Variants in LRRC4C observed in about 807,000 individuals in gnomAD.
LRRC4C encodes the protein leucine rich repeat containing 4C, also known as leucine-rich repeat-containing protein 4C.
In LRRC4C, 5 loss-of-function variants were observed where a neutral mutation model predicts 33.6. That is an observed-to-expected ratio of 0.15 (90% CI 0.08 to 0.31). LRRC4C has a LOEUF of 0.31. Ranked by LOEUF, LRRC4C falls within the 10% of genes least tolerant of loss-of-function variation. LRRC4C has a pLI of 1.00. For synonymous variants in LRRC4C, 329 were observed against 302.0 expected (o/e 1.09, Z -0.93); for missense variants, 560 against 796.7 (o/e 0.70, Z 3.58).
chr11:40,526,173 T>A (rs1263271101), intron 3 of LRRC4C, among the ~76,000 whole-genome samples: 1 of 152,092 alleles, frequency 6.6e-6, no homozygotes, highest in Non-Finnish European at 1.5e-5. Flanking sequence ...TTATTTTGGC[T>A]AGACAAAAGT....
chr11:40,905,845 T>C (rs1231055934), intron 2 of LRRC4C, among the ~76,000 whole-genome samples: 1 of 152,214 alleles, frequency 6.6e-6, no homozygotes, highest in Non-Finnish European at 1.5e-5. Flanking sequence ...ATAAAGGATT[T>C]AGAATATTAC....
At chr11:40,287,009 A>G (rs1006477205) in intron 4 of LRRC4C, among the ~76,000 whole-genome samples, 1 of 152,132 alleles carries the variant, frequency 6.6e-6, no homozygotes, top group Non-Finnish European at 1.5e-5. Flanking sequence ...TATATTTTTA[A>G]TTTTGGGAAT....
At chr11:40,255,386 T>C (rs769392581) in intron 4 of LRRC4C, among the ~76,000 whole-genome samples, 5 of 152,218 alleles carry the variant, frequency 3.3e-5, no homozygotes, top group Non-Finnish European at 7.3e-5. Context: ...GAAACTTTCA[T>C]GATGATTCTA....
intron 1 of LRRC4C, among the ~76,000 whole-genome samples, chr11:41,349,143 C>T (rs1951894023): frequency 6.6e-6 from 1 of 152,164 alleles, no homozygotes; most frequent in Non-Finnish European, 1.5e-5. Context: ...CATTCTCATT[C>T]TTGTAGTGTG....
intron 1 of LRRC4C, among the ~76,000 whole-genome samples, chr11:40,958,086 G>A (rs1216610339): frequency 1.3e-5 from 2 of 151,592 alleles, no homozygotes; most frequent in African/African-American, 4.8e-5. Context: ...TGAGAAGACA[G>A]CCAGCTATGA....
At chr11:40,583,697 T>C (rs1010560887) in intron 3 of LRRC4C, among the ~76,000 whole-genome samples, 2 of 152,128 alleles carry the variant, frequency 1.3e-5, no homozygotes, top group Non-Finnish European at 2.9e-5. Context: ...CTTAGTACTC[T>C]GAGTTTGCTC....
At chr11:40,892,286 A>G (rs1955751388) in intron 2 of LRRC4C, among the ~76,000 whole-genome samples, 1 of 152,172 alleles carries the variant, frequency 6.6e-6, no homozygotes, top group African/African-American at 2.4e-5. Flanking sequence ...TGTTTGTTGA[A>G]GCACTATTCA....
At chr11:40,852,027 C>T (rs1371309302) in intron 2 of LRRC4C, among the ~76,000 whole-genome samples, 5 of 152,090 alleles carry the variant, frequency 3.3e-5, no homozygotes, top group South Asian at 2.1e-4. Context: ...CAGGGTTTCA[C>T]CATGTTGGCT....
chr11:40,916,913 A>G (rs903550185), intron 2 of LRRC4C, among the ~76,000 whole-genome samples: 1 of 152,118 alleles, frequency 6.6e-6, no homozygotes, highest in Non-Finnish European at 1.5e-5. Flanking sequence ...TGCAATTGCA[A>G]TAGACAAAAT....
chr11:40,984,379 GAA>G (rs1194883012), intron 1 of LRRC4C, among the ~76,000 whole-genome samples: 1 of 77,462 alleles, frequency 1.3e-5, no homozygotes, highest in African/African-American at 4.6e-5. Context: ...AAGAAAGAAA[GAA>G]AGAAAGAAAG....
chr11:40,609,988 C>T lies in LRRC4C; in HGVS notation c.-270+38154G>A, dbSNP rs1385390774. Among the ~76,000 whole-genome samples the T allele has an allele frequency of 3.3e-5, 5 of 151,860 alleles. No individual in the cohort carries two copies. The East Asian group carries it at 9.6e-4, about 29-fold the overall frequency. On this transcript the variant is annotated intron_variant, in intron 3 of 6. Transcript: ENST00000528697. The stretch of plus-strand genomic sequence containing the variant: ...TTAAAAAATAATTAATGCCAACCCT[C>T]CTTAAATTCGTCCAAAAAATCGAAA...
At chr11:40,682,746 C>CAATAAATAAATA (rs10523318) in intron 2 of LRRC4C, among the ~76,000 whole-genome samples, 31,133 of 141,354 alleles carry the variant, frequency 0.22, 3,828 homozygotes, top group East Asian at 0.4. Context: ...GACTCTGTCT[C>CAATAAATAAATA]AATAAATAAA....
intron 3 of LRRC4C, among the ~76,000 whole-genome samples, chr11:40,339,411 C>CA (rs1216644486): frequency 1.3e-5 from 2 of 152,020 alleles, no homozygotes. Context: ...CTCAAATGGG[C>CA]AAAAAAATCA....
intron 5 of LRRC4C, among the ~76,000 whole-genome samples, chr11:40,208,680 A>C (rs1863343628): frequency 6.6e-6 from 1 of 152,182 alleles, no homozygotes; most frequent in Non-Finnish European, 1.5e-5. Context: ...ATATTAATAC[A>C]TGTTATTACA....
intron 1 of LRRC4C, among the ~76,000 whole-genome samples, chr11:41,238,811 C>A (rs1464702978): frequency 4.6e-5 from 7 of 152,128 alleles, no homozygotes; most frequent in African/African-American, 1.4e-4. Context: ...GCATTCAACT[C>A]TACGATCTTG....
chr11:41,453,641 C>T (rs1276367493), intron 1 of LRRC4C, among the ~76,000 whole-genome samples: 1 of 151,584 alleles, frequency 6.6e-6, no homozygotes, highest in Non-Finnish European at 1.5e-5. Context: ...AATAATGTTA[C>T]CTTGCTTATT....
chr11:40,658,838 G>T (rs1943266579), intron 2 of LRRC4C, among the ~76,000 whole-genome samples: 1 of 152,224 alleles, frequency 6.6e-6, no homozygotes, highest in African/African-American at 2.4e-5. Flanking sequence ...TCCCTTACAA[G>T]AATGTGGGTC....
At chr11:41,202,160 G>T (rs1329587847) in intron 1 of LRRC4C, among the ~76,000 whole-genome samples, 1 of 152,076 alleles carries the variant, frequency 6.6e-6, no homozygotes, top group Non-Finnish European at 1.5e-5. Flanking sequence ...TGATAAACTA[G>T]ACAGCACTAG....
At chr11:41,016,792 C>T in intron 1 of LRRC4C, among the ~76,000 whole-genome samples, 1 of 152,116 alleles carries the variant, frequency 6.6e-6, no homozygotes, top group East Asian at 1.9e-4. Context: ...TGAAAATTAC[C>T]AGAATTACAT....
Sources: gnomAD v4.1 joint callset for allele counts (sites outside exome capture counted in the v4.1 genomes callset) on GRCh38, gnomAD v4.1.1 for gene constraint, MANE v1.5 for transcripts, NCBI Gene and HGNC (gene_info 2026-07-23, HGNC 2026-07-21) for gene names.